The following SLC12A4 variants were observed in gnomAD, a reference collection of about 807,000 sequenced individuals.
The protein encoded by SLC12A4 is solute carrier family 12 member 4.
A neutral mutation model predicts 119.2 loss-of-function variants in SLC12A4; 84 were observed. The observed-to-expected ratio is 0.70, with a 90% confidence interval of 0.59 to 0.85. The LOEUF (loss-of-function observed/expected upper bound fraction) is 0.85. Among genes scored for constraint, SLC12A4 ranks in the 40% least tolerant of loss-of-function variants. The pLI is 0.00. For missense variants in SLC12A4, 1,298 were observed against 1,476.3 expected (o/e 0.88, Z 1.98); for synonymous variants, 599 against 604.6 (o/e 0.99, Z 0.14).
intron 1 of SLC12A4, 76 bp downstream of exon 1, chr16:67,968,363 G>T: frequency 7.5e-7 from 1 of 1,331,806 alleles, no homozygotes; most frequent in South Asian, 1.4e-5. Flanking sequence ...GGATAGGTGC[G>T]GGCGCGGGCC....
In SLC12A4 at chr16:67,943,955, G is replaced by T; in HGVS notation, c.*885C>A. The stretch of plus-strand genomic sequence containing the variant: ...GGCCTGGTGGGGGCTTACCGAGGAT[G>T]ACGGGCCGTGTGTGGTTACTGAGCT... On this transcript the variant is annotated 3_prime_UTR_variant, in exon 24 of 24. Transcript: ENST00000316341. The surrounding 1 kb of genome is among the most constrained non-coding windows in gnomAD (Gnocchi z 4.6). The T allele has an allele frequency of 1.3e-6, 2 of 1,546,950 alleles. No homozygotes were observed. The highest frequency in any genetic ancestry group is 1.7e-6 in the Non-Finnish European group (2 of 1,144,700).
In SLC12A4 at chr16:67,952,256, G is replaced by A; in HGVS notation, c.845C>T (p.Ala282Val). 6.2e-7 allele frequency: 1 copy of A among 1,614,120 alleles called. No individual in the cohort carries two copies. Among genetic ancestry groups the A allele is most frequent in the Non-Finnish European group, 8.5e-7 (1 of 1,180,014 alleles). Reference sequence around the variant, plus strand: ...GGAGAGGATGGAGATGATCACACAGGCCAGGAAGAGCGAGGCAAATTTGTT... The same window carrying A: ...GGAGAGGATGGAGATGATCACACAGACCAGGAAGAGCGAGGCAAATTTGTT... ...YVNKFASLFL[A>V]CVIISILSIY... Residue 282 changes from alanine (A) to valine (V), a missense_variant, in exon 7 of 24, where the codon GCC (alanine) becomes GTC (valine). Physicochemically the swap from Ala to Val is moderately conservative, Grantham distance 64 (BLOSUM62 0). Coordinates refer to ENST00000316341, the MANE Select transcript of SLC12A4 (RefSeq NM_005072.5).
At chr16:67,965,688 G>A (rs995392297) in intron 1 of SLC12A4, among the ~76,000 whole-genome samples, 1 of 152,164 alleles carries the variant, frequency 6.6e-6, no homozygotes, top group African/African-American at 2.4e-5. Context: ...TGAGCACACA[G>A]CAGCTCCCCA....
intron 15 of SLC12A4, 75 bp downstream of exon 15, chr16:67,947,594 C>A (rs1395419315): frequency 1.3e-6 from 2 of 1,542,508 alleles, no homozygotes; most frequent in Non-Finnish European, 1.8e-6. Context: ...CCCTGCCCAC[C>A]CCAATGCCAG....
chr16:67,966,335 C>T (rs987715286), intron 1 of SLC12A4, among the ~76,000 whole-genome samples: 1 of 152,258 alleles, frequency 6.6e-6, no homozygotes, highest in Non-Finnish European at 1.5e-5. Context: ...ACCTCCTGTT[C>T]TGGCCTCAGC....
rs770310526 is a variant in SLC12A4, at chr16:67,963,541, T to C, written c.134A>G (p.Glu45Gly). 1.3e-6 allele frequency: 2 copies of C among 1,580,484 alleles called. No individual in the cohort carries two copies. Among genetic ancestry groups the C allele is most frequent in the Admixed American group, 2.0e-5 (1 of 49,520 alleles). The change falls in exon 2 of 24, where the codon GAG (glutamate) becomes GGG (glycine). Residue 45 changes from glutamate (E) to glycine (G), a missense_variant. Coordinates refer to ENST00000316341, the MANE Select transcript of SLC12A4 (RefSeq NM_005072.5). ...CAAGGGGGAAAGAAAAGGGCTGCTC[T>C]CTCTGTGGTTGCCATGTCCTGTGAA... is the stretch of plus-strand genomic sequence containing the variant. Reference protein sequence around the residue: ...DDSDGHGNHRESSPFLSPLEA... With the variant: ...DDSDGHGNHRGSSPFLSPLEA...
At chr16:67,945,924 G>C (rs776070516) in intron 20 of SLC12A4, 27 bp downstream of exon 20, 12 of 1,612,730 alleles carry the variant, frequency 7.4e-6, no homozygotes, top group Non-Finnish European at 1.0e-5. Flanking sequence ...TGGTATCCAC[G>C]GGGCCAGGGC....
At position 67,950,013 on chromosome 16, in the gene SLC12A4, C is replaced by T; in HGVS notation, c.1630-95G>A. 1.0e-6 allele frequency: 1 copy of T among 991,594 alleles called. No homozygotes were observed. The highest frequency in any genetic ancestry group is 2.2e-5 in the Admixed American group (1 of 46,342). The allele number at this position is 991,594 out of a possible 1,614,324, so 61.4% of individuals were successfully genotyped here. A position where few individuals can be genotyped will look rare whatever the true frequency, so the allele number is the denominator to read the frequency against. Reference sequence around the variant, plus strand: ...TGGCCTCCCTCACCCCCAGGGCCCGCCTTGGGGGCTCAGGCCGCCCCTGTG... The same window carrying T: ...TGGCCTCCCTCACCCCCAGGGCCCGTCTTGGGGGCTCAGGCCGCCCCTGTG... On this transcript the variant is annotated intron_variant, in intron 12 of 23. Coordinates refer to ENST00000316341, the MANE Select transcript of SLC12A4 (RefSeq NM_005072.5). The surrounding 1 kb of genome is among the most constrained non-coding windows in gnomAD (Gnocchi z 4.3).
chr16:67,945,892 G>A lies in SLC12A4; in HGVS notation c.2740-21C>T, dbSNP rs754922066. The A allele has an allele frequency of 3.1e-6, 5 of 1,613,638 alleles. No individual in the cohort carries two copies. The South Asian group carries it at 5.5e-5, about 18-fold the overall frequency. On this transcript the variant is annotated intron_variant, in intron 20 of 23. Coordinates refer to ENST00000316341, the MANE Select transcript of SLC12A4 (RefSeq NM_005072.5). ...TTATGCTGGGGACAGGGTTGGCCGT[G>A]AGGACCCAGCTGCACGGGACATGGT...
rs763769067 is a variant in SLC12A4, at chr16:67,945,530, G to A, written c.2871C>T (p.His957=). The part of the protein sequence containing the change: ...EREAQLVKDR[H]SALRLESLYS... ...ACAGGCTCTCCAGCCGCAGGGCCGA[G>A]TGCCGATCCTTGACCAGCTGGGCCT... The change falls in exon 22 of 24, where the codon CAC becomes CAT. Residue 957 remains histidine, a synonymous_variant. Transcript: ENST00000316341. The A allele has an allele frequency of 3.1e-6, 5 of 1,613,866 alleles. No homozygotes were observed. In the South Asian group the frequency reaches 5.5e-5, roughly 18 times the overall value.
In SLC12A4 at chr16:67,952,294, C is replaced by T; in HGVS notation, c.807G>A (p.Gly269=). The change falls in exon 7 of 24, where the codon GGG becomes GGA. Residue 269 remains glycine, a synonymous_variant. Transcript: ENST00000316341. ...AGGCAAATTTGTTCACATACTTGAC[C>T]CCCACAAACACCACCAGGGTCATGA... ...LTFMTLVVFV[G]VKYVNKFASL... The T allele has an allele frequency of 1.9e-6, 3 of 1,614,036 alleles. No homozygotes were observed. The highest frequency in any genetic ancestry group is 1.1e-5 in the South Asian group (1 of 91,084).
Position 67,945,488 on chromosome 16 carries a change from A to G in SLC12A4, c.2913T>C (p.Asp971=), listed in dbSNP as rs1487060864. Residue 971 remains aspartate (D), a synonymous_variant, in exon 22 of 24, where the codon GAT becomes GAC. Coordinates refer to ENST00000316341, the MANE Select transcript of SLC12A4 (RefSeq NM_005072.5). ...RLESLYSDEE[D]ESAVGADKIQ... ...TCTTGTCAGCCCCCACTGCAGACTC[A>G]TCTTCCTCGTCCGAGTACAGGCTCT... The G allele has an allele frequency of 4.3e-6, 7 of 1,613,894 alleles. No homozygotes were observed. In the African/African-American group the frequency reaches 5.3e-5, roughly 12 times the overall value.
chr16:67,962,489 AG>A (rs1048392456), intron 2 of SLC12A4: 6 of 152,228 alleles, frequency 3.9e-5, no homozygotes, highest in Non-Finnish European at 7.3e-5. Context: ...ACCTACACAC[AG>A]GGAGAAGTTG....
intron 5 of SLC12A4, 121 bp downstream of exon 5, chr16:67,957,618 CAGG>C (rs2030339176): frequency 9.5e-7 from 1 of 1,056,766 alleles, no homozygotes; most frequent in Admixed American, 2.1e-5. Context: ...GTCCTGGCAT[CAGG>C]GATTGGGAGC....
intron 3 of SLC12A4, among the ~76,000 whole-genome samples, chr16:67,960,788 C>G (rs554911276): frequency 6.6e-6 from 1 of 151,714 alleles, no homozygotes; most frequent in Non-Finnish European, 1.5e-5. Context: ...GTAACAGTCA[C>G]CCCAAAGAGA....
intron 3 of SLC12A4, among the ~76,000 whole-genome samples, chr16:67,959,190 G>A (rs2030434262): frequency 6.6e-6 from 1 of 152,166 alleles, no homozygotes; most frequent in South Asian, 2.1e-4. Context: ...GCAGAGTAGG[G>A]GCCAGCCAGG....
rs1185153778 is a variant in SLC12A4, at chr16:67,944,931, T to G, written c.3167A>C (p.Tyr1056Ser). 6.2e-7 allele frequency: 1 copy of G among 1,613,334 alleles called. No individual in the cohort carries two copies. Among genetic ancestry groups the G allele is most frequent in the Non-Finnish European group, 8.5e-7 (1 of 1,179,988 alleles). The change falls in exon 24 of 24, where the codon TAC becomes TCC. Residue 1056 changes from tyrosine (Y) to serine (S), a missense_variant and splice_region_variant. Physicochemically the swap from Tyr to Ser is moderately radical, Grantham distance 144. Coordinates refer to ENST00000316341, the MANE Select transcript of SLC12A4 (RefSeq NM_005072.5). The surrounding 1 kb of genome is among the most constrained non-coding windows in gnomAD (Gnocchi z 6.6). ...GGTCAGCACCTCGAGGAACTCCATG[T>G]CTGCAGGGCCTCAAGTCAAGGAGGC... ...PPRNSEGDEN[Y>S]MEFLEVLTEG...
Position 67,968,476 on chromosome 16 carries a change from C to A in SLC12A4, c.78G>T (p.Val26=). The part of the protein sequence containing the change: ...DYDNLEGLSW[V]DYGERAELDD... ...CCAGCTCGGCGCGCTCCCCGTAGTC[C>A]ACCCAACTGAGCCCCTCGAGGTTGT... Residue 26 remains valine (V), a synonymous_variant, in exon 1 of 24, where the codon GTG becomes GTT. Coordinates refer to ENST00000316341, the MANE Select transcript of SLC12A4 (RefSeq NM_005072.5). 1.3e-6 allele frequency: 2 copies of A among 1,586,136 alleles called. No individual in the cohort carries two copies. The highest frequency in any genetic ancestry group is 1.4e-5 in the African/African-American group (1 of 72,380).
rs1285308005 is a variant in SLC12A4 at position 67,951,089 on chromosome 16, G to C, written c.1298-29C>G. 1 of 1,613,872 alleles carries C rather than the reference G, an allele frequency of 6.2e-7. No homozygotes were observed. The highest frequency in any genetic ancestry group is 1.7e-5 in the Admixed American group (1 of 60,024). ...CAAAAACAGATGAGACTCCCTCAGGGGCTCCCCGGGATTGGGGACAGGGCT... is the reference window on the plus strand; with the variant it reads ...CAAAAACAGATGAGACTCCCTCAGGCGCTCCCCGGGATTGGGGACAGGGCT... On this transcript the variant is annotated intron_variant, in intron 9 of 23. Transcript: ENST00000316341. This position sits in a 1 kb window ranked among gnomAD's most constrained non-coding sequence, Gnocchi z 5.2.
Sources: allele counts gnomAD v4.1 joint callset (sites outside exome capture counted in the v4.1 genomes callset), GRCh38; gene constraint gnomAD v4.1.1; non-coding constraint Gnocchi (gnomAD v3.1); transcripts MANE v1.5; gene names NCBI Gene and HGNC (gene_info 2026-07-23, HGNC 2026-07-21).